PARD3: variants seen among roughly 807,000 people sequenced by gnomAD.
The protein encoded by PARD3 is par-3 family cell polarity regulator.
In PARD3, 75 loss-of-function variants were observed where a neutral mutation model predicts 155.4. That is an observed-to-expected ratio of 0.48 (90% CI 0.40 to 0.58). The LOEUF is 0.58. Among genes scored for constraint, PARD3 ranks in the 20% least tolerant of loss-of-function variants. The pLI, the probability that PARD3 is intolerant of heterozygous loss-of-function variation, is 0.00. For synonymous variants in PARD3, 576 were observed against 610.5 expected (o/e 0.94, Z 0.83); for missense variants, 1,642 against 1,721.7 (o/e 0.95, Z 0.82).
chr10:34,468,428 T>G (rs1032217036), intron 4 of PARD3, among the ~76,000 whole-genome samples: 4 of 152,240 alleles, frequency 2.6e-5, no homozygotes, highest in African/African-American at 9.6e-5. Flanking sequence ...AAAAATTTTT[T>G]TAAACTGCCA....
At chr10:34,469,861 A>G (rs1232856894) in intron 4 of PARD3, among the ~76,000 whole-genome samples, 3 of 152,174 alleles carry the variant, frequency 2.0e-5, no homozygotes, top group Non-Finnish European at 4.4e-5. Flanking sequence ...GGATATATTA[A>G]TAAGTGCACA....
intron 2 of PARD3, among the ~76,000 whole-genome samples, chr10:34,598,231 G>A (rs779945751): frequency 2.0e-5 from 3 of 152,078 alleles, no homozygotes; most frequent in Non-Finnish European, 4.4e-5. Context: ...GAAGTTGCCC[G>A]CAGAATAAAA....
chr10:34,715,251 A>C (rs984681758), intron 1 of PARD3, among the ~76,000 whole-genome samples: 14 of 150,776 alleles, frequency 9.3e-5, no homozygotes, highest in African/African-American at 2.2e-4. Context: ...CACATTTTTA[A>C]ATTTTTTGTA....
intron 14 of PARD3, among the ~76,000 whole-genome samples, chr10:34,349,000 GA>G (rs5784411): frequency 0.6 from 91,181 of 151,888 alleles, 29,403 homozygotes; most frequent in African/African-American, 0.86. Flanking sequence ...CTGTTTTAAT[GA>G]AAGAACATTT....
chr10:34,122,819 C>G (rs548006848), intron 23 of PARD3, among the ~76,000 whole-genome samples: 1 of 152,244 alleles, frequency 6.6e-6, no homozygotes, highest in East Asian at 1.9e-4. Context: ...ACTGGATGAA[C>G]AGTATTACAA....
intron 2 of PARD3, among the ~76,000 whole-genome samples, chr10:34,615,130 G>A (rs895401872): frequency 3.9e-5 from 6 of 152,220 alleles, no homozygotes; most frequent in East Asian, 3.9e-4. Flanking sequence ...GCAGTGAGCC[G>A]AGATGGCGCC....
intron 22 of PARD3, among the ~76,000 whole-genome samples, chr10:34,248,264 AT>A (rs1023991213): frequency 1.3e-5 from 2 of 152,220 alleles, no homozygotes; most frequent in African/African-American, 4.8e-5. Flanking sequence ...GTAAAAAAAA[AT>A]ACCAGATTTT....
chr10:34,710,014 G>C (rs777569206), intron 1 of PARD3, among the ~76,000 whole-genome samples: 4 of 152,120 alleles, frequency 2.6e-5, no homozygotes, highest in Non-Finnish European at 5.9e-5. Flanking sequence ...GGGGGACAGG[G>C]AGCTAGAATT....
chr10:34,285,584 A>AG (rs997322821), intron 20 of PARD3, among the ~76,000 whole-genome samples: 5 of 152,160 alleles, frequency 3.3e-5, no homozygotes, highest in Non-Finnish European at 7.4e-5. Context: ...TCAAAAAAAA[A>AG]AAAGAAAGAA....
At chr10:34,324,715 G>C (rs893551049) in intron 19 of PARD3, among the ~76,000 whole-genome samples, 1 of 152,216 alleles carries the variant, frequency 6.6e-6, no homozygotes, top group Non-Finnish European at 1.5e-5. Context: ...TGGTGACACA[G>C]TGAGATGATG....
At chr10:34,148,502 C>T (rs1049328291) in intron 22 of PARD3, among the ~76,000 whole-genome samples, 1 of 152,042 alleles carries the variant, frequency 6.6e-6, no homozygotes, top group Non-Finnish European at 1.5e-5. Flanking sequence ...TTCATTTTGT[C>T]ACCACAACAT....
rs770335212 is a variant in PARD3, at chr10:34,317,382, C to T, written c.2834-44G>A. The T allele has an allele frequency of 7.1e-6, 11 of 1,554,022 alleles. No individual in the cohort carries two copies. In the Middle Eastern group the frequency reaches 6.9e-4, roughly 98 times the overall value. Reference sequence around the variant, plus strand: ...AAAATAGGGACACAGTGAACCAACGCAACAAAAATAATAAAGCTAAAATAC... The same window carrying T: ...AAAATAGGGACACAGTGAACCAACGTAACAAAAATAATAAAGCTAAAATAC... On this transcript the variant is annotated intron_variant, in intron 19 of 24. Coordinates refer to ENST00000374788, the MANE Select transcript of PARD3 (RefSeq NM_001184785.2).
At chr10:34,546,091 AAATAT>A (rs994015822) in intron 2 of PARD3, among the ~76,000 whole-genome samples, 1 of 152,248 alleles carries the variant, frequency 6.6e-6, no homozygotes, top group African/African-American at 2.4e-5. Context: ...ACAATAAATA[AAATAT>A]ATGTTGTATA....
chr10:34,116,593 T>A lies in PARD3; in HGVS notation c.3668+3020A>T, dbSNP rs78878718. 5.6e-3 allele frequency among the ~76,000 whole-genome samples: 860 copies of A among 152,310 alleles called. 4 individuals carry two copies. Among genetic ancestry groups the A allele is most frequent in the Non-Finnish European group, 8.4e-3 (570 of 68,026 alleles). ...CAAGGCATCAAGCCGAACGCAGGGT[T>A]CTATGTTCCTAATCTCCCTCACAAA... On this transcript the variant is annotated intron_variant, in intron 24 of 24. Transcript: ENST00000374788.
intron 2 of PARD3, among the ~76,000 whole-genome samples, chr10:34,610,851 A>G (rs1418234415): frequency 4.6e-5 from 7 of 152,176 alleles, no homozygotes; most frequent in Admixed American, 4.6e-4. Flanking sequence ...ATTACTGAAA[A>G]TATACAAGAC....
At chr10:34,394,973 C>A (rs974637130) in intron 7 of PARD3, among the ~76,000 whole-genome samples, 3 of 151,046 alleles carry the variant, frequency 2.0e-5, no homozygotes, top group African/African-American at 7.3e-5. Context: ...CAAAGGTAAT[C>A]ACAATTATTT....
intron 2 of PARD3, among the ~76,000 whole-genome samples, chr10:34,636,087 A>AG (rs1590338467): frequency 2.6e-5 from 4 of 152,198 alleles, no homozygotes; most frequent in Middle Eastern, 6.8e-3. Context: ...GGAAGAAGGA[A>AG]GAAGGAAGGA....
At chr10:34,557,412 G>A (rs559874978) in intron 2 of PARD3, among the ~76,000 whole-genome samples, 18 of 152,214 alleles carry the variant, frequency 1.2e-4, no homozygotes, top group Admixed American at 2.6e-4. Flanking sequence ...CAAGGCAGTA[G>A]GATCGCTTGA....
rs1958061219 is a variant in PARD3, at chr10:34,317,187, T to C, written c.2985A>G (p.Glu995=). Residue 995 remains glutamate, a synonymous_variant, in exon 20 of 25, where the codon GAA becomes GAG. Coordinates refer to ENST00000374788, the MANE Select transcript of PARD3 (RefSeq NM_001184785.2). ...TDRKKDKTGK[E]KKKDRDKEKD... ...TCTCCTTATCTCTATCTTTCTTCTT[T>C]TCTTTTCCAGTTTTATCCTTTTTTC... 6.2e-7 allele frequency: 1 copy of C among 1,612,004 alleles called. No individual in the cohort carries two copies.
Sources: gnomAD v4.1 joint callset for allele counts (sites outside exome capture counted in the v4.1 genomes callset) on GRCh38, gnomAD v4.1.1 for gene constraint, MANE v1.5 for transcripts, NCBI Gene and HGNC (gene_info 2026-07-23, HGNC 2026-07-21) for gene names.